The following MELK variants were observed in gnomAD, a reference collection of about 807,000 sequenced individuals.
MELK encodes the protein maternal embryonic leucine zipper kinase, also known as pEg3 kinase.
In MELK, 81 loss-of-function variants were observed where a neutral mutation model predicts 85.0. The ratio of observed to expected loss-of-function variants is 0.95; its 90% CI spans 0.80 to 1.15. The LOEUF (loss-of-function observed/expected upper bound fraction) is 1.15. Ranked by LOEUF, MELK falls within the 50% of genes most tolerant of loss-of-function variation. MELK has a pLI of 0.00. For synonymous variants in MELK, 252 were observed against 265.0 expected (o/e 0.95, Z 0.48); for missense variants, 754 against 777.5 (o/e 0.97, Z 0.36).
Position 36,595,245 on chromosome 9 carries a change from C to T in MELK, c.405+474C>T, listed in dbSNP as rs148707069. On this transcript the variant is annotated intron_variant, in intron 5 of 17. Coordinates refer to ENST00000298048, the MANE Select transcript of MELK (RefSeq NM_014791.4). The stretch of plus-strand genomic sequence containing the variant: ...CCGCCTCCTGGGTTCACGCCATTCT[C>T]CTGCCTCAGCCTCCCGAGTGGCTGG... Among the ~76,000 whole-genome samples, 658 of 152,154 alleles carry T rather than the reference C, an allele frequency of 4.3e-3. 12 individuals are homozygous for T. The East Asian group carries it at 0.049, about 11-fold the overall frequency.
chr9:36,585,825 C>G (rs1488604918), intron 3 of MELK, among the ~76,000 whole-genome samples: 1 of 151,924 alleles, frequency 6.6e-6, no homozygotes, highest in East Asian at 1.9e-4. Context: ...GTAGTCCCAG[C>G]TACTTGGGAG....
At chr9:36,579,287 A>G (rs1821960891) in intron 1 of MELK, among the ~76,000 whole-genome samples, 1 of 152,198 alleles carries the variant, frequency 6.6e-6, no homozygotes, top group Non-Finnish European at 1.5e-5. Context: ...TTGGCCTCCC[A>G]AAGTGCTGGG....
chr9:36,633,542 G>A (rs768739119), intron 10 of MELK, among the ~76,000 whole-genome samples: 25 of 152,114 alleles, frequency 1.6e-4, no homozygotes, highest in Non-Finnish European at 3.1e-4. Context: ...GTAAAAAGTA[G>A]GTTAAACCAG....
At position 36,677,304 on chromosome 9, in the gene MELK, A is replaced by C; in HGVS notation, c.1923A>C (p.Leu641Phe). ...GCGATGCCTGGGTTTACAAAAGATT[A>C]GTGGAAGACATCCTATCTAGCTGCA... ...LKGDAWVYKR[L>F]VEDILSSCKV Residue 641 changes from leucine to phenylalanine, a missense_variant, in exon 18 of 18, where the codon TTA (leucine) becomes TTC (phenylalanine). Coordinates refer to ENST00000298048, the MANE Select transcript of MELK (RefSeq NM_014791.4). 1.9e-6 allele frequency: 3 copies of C among 1,613,754 alleles called. No individual in the cohort carries two copies. Among genetic ancestry groups the C allele is most frequent in the Non-Finnish European group, 2.5e-6 (3 of 1,179,830 alleles).
chr9:36,664,952 A>G (rs1183292767), intron 13 of MELK, among the ~76,000 whole-genome samples: 1 of 152,206 alleles, frequency 6.6e-6, no homozygotes, highest in African/African-American at 2.4e-5. Context: ...TTTTTATCCA[A>G]TATTTCTGTT....
At chr9:36,670,597 G>T (rs4878654) in intron 15 of MELK, among the ~76,000 whole-genome samples, 1 of 151,136 alleles carries the variant, frequency 6.6e-6, no homozygotes, top group South Asian at 2.1e-4. Flanking sequence ...ATATATCAGT[G>T]TATATCTATA....
chr9:36,626,384 A>G (rs2136336938), intron 8 of MELK, among the ~76,000 whole-genome samples: 1 of 151,266 alleles, frequency 6.6e-6, no homozygotes, highest in South Asian at 2.1e-4. Flanking sequence ...TCACCCTAGC[A>G]CCTAGACCCA....
chr9:36,630,449 C>T, intron 9 of MELK, 82 bp downstream of exon 9: 1 of 1,121,722 alleles, frequency 8.9e-7, no homozygotes, highest in Non-Finnish European at 1.3e-6. Flanking sequence ...TACATCATTT[C>T]CTATTAGCTT....
intron 10 of MELK, among the ~76,000 whole-genome samples, chr9:36,635,089 C>T (rs1450862652): frequency 6.6e-6 from 1 of 151,824 alleles, no homozygotes; most frequent in East Asian, 1.9e-4. Flanking sequence ...GTATTAAAAA[C>T]GTACTCAGAA....
intron 14 of MELK, among the ~76,000 whole-genome samples, chr9:36,666,853 T>G (rs912059366): frequency 6.9e-5 from 9 of 130,746 alleles, no homozygotes; most frequent in South Asian, 2.7e-4. Context: ...ATGTCTGTGT[T>G]TGTGTGTGTG....
At chr9:36,629,802 A>C (rs1193526912) in intron 8 of MELK, among the ~76,000 whole-genome samples, 1 of 149,396 alleles carries the variant, frequency 6.7e-6, no homozygotes, top group Non-Finnish European at 1.5e-5. Context: ...AGGCAATGAT[A>C]GTATTTAATA....
intron 13 of MELK, among the ~76,000 whole-genome samples, chr9:36,658,620 C>T (rs547240189): frequency 6.6e-6 from 1 of 152,070 alleles, no homozygotes; most frequent in Non-Finnish European, 1.5e-5. Context: ...CTTGGTAAGG[C>T]CTACGTCTGG....
intron 9 of MELK, among the ~76,000 whole-genome samples, chr9:36,631,234 G>A (rs1290529363): frequency 6.6e-6 from 1 of 152,062 alleles, no homozygotes; most frequent in East Asian, 1.9e-4. Flanking sequence ...AAAATCCAAA[G>A]TGCTGGGATT....
intron 17 of MELK, among the ~76,000 whole-genome samples, chr9:36,676,081 A>G (rs1418018792): frequency 6.6e-6 from 1 of 152,168 alleles, no homozygotes; most frequent in African/African-American, 2.4e-5. Flanking sequence ...CTATTATCTA[A>G]CATGTGACTA....
chr9:36,615,348 AC>A (rs1358716828), intron 8 of MELK, among the ~76,000 whole-genome samples: 39 of 76,116 alleles, frequency 5.1e-4, no homozygotes, highest in Non-Finnish European at 7.1e-4. Context: ...CGGGGGGCTG[AC>A]CCCCCCACCT....
chr9:36,580,519 A>G (rs1822120011), intron 1 of MELK, among the ~76,000 whole-genome samples: 1 of 150,500 alleles, frequency 6.6e-6, no homozygotes, highest in Non-Finnish European at 1.5e-5. Context: ...GGGTTTCGTC[A>G]TGTTGGTCAG....
intron 8 of MELK, among the ~76,000 whole-genome samples, chr9:36,623,434 G>T (rs7019755): frequency 6.6e-6 from 1 of 152,138 alleles, no homozygotes; most frequent in Non-Finnish European, 1.5e-5. Flanking sequence ...CTCTATTTTG[G>T]CCAGTATTTC....
intron 12 of MELK, among the ~76,000 whole-genome samples, chr9:36,654,349 C>CTTTTTTTTTTTTTTTTTTT (rs34436735): frequency 3.6e-5 from 3 of 84,126 alleles, no homozygotes; most frequent in Non-Finnish European, 4.3e-5. Context: ...ATTGGATTGT[C>CTTTTTTTTTTTTTTTTTTT]TTTTTTTTTT....
At chr9:36,585,179 G>GT (rs1437266059) in intron 3 of MELK, among the ~76,000 whole-genome samples, 1 of 151,528 alleles carries the variant, frequency 6.6e-6, no homozygotes, top group African/African-American at 2.4e-5. Context: ...TGTATAAAAA[G>GT]TTATTTTTAT....
Sources: allele counts gnomAD v4.1 joint callset (sites outside exome capture counted in the v4.1 genomes callset), GRCh38; gene constraint gnomAD v4.1.1; transcripts MANE v1.5; gene names NCBI Gene and HGNC (gene_info 2026-07-23, HGNC 2026-07-21).